AOX1: variants seen among roughly 807,000 people sequenced by gnomAD.
The protein encoded by AOX1 is aldehyde oxidase 1.
Under a neutral mutation model 169.5 loss-of-function variants are expected in AOX1, and 153 were observed. The ratio of observed to expected loss-of-function variants is 0.90; its 90% CI spans 0.79 to 1.03. The LOEUF is 1.03. Among genes scored for constraint, AOX1 ranks in the 50% least tolerant of loss-of-function variants. The probability of loss-of-function intolerance (pLI) is 0.00; values close to 1 mark genes in which losing one functional copy is unlikely to be tolerated. For synonymous variants in AOX1, 562 were observed against 581.9 expected, an observed-to-expected ratio of 0.97 and a Z score of 0.49; for missense variants, 1,656 against 1,663.9, an observed-to-expected ratio of 1.00 and a Z score of 0.08.
chr2:200,608,478 T>C (rs151107010), intron 10 of AOX1, among the ~76,000 whole-genome samples: 1 of 152,296 alleles, frequency 6.6e-6, no homozygotes, highest in African/African-American at 2.4e-5. Flanking sequence ...GCAATAGAAA[T>C]GTGGGTTTGC....
rs1427003492 is a variant in AOX1 at position 200,604,795 on chromosome 2, T to C, written c.769T>C (p.Phe257Leu). 4.3e-6 allele frequency: 7 copies of C among 1,614,070 alleles called. No individual in the cohort carries two copies. The highest frequency in any genetic ancestry group is 1.7e-6 in the Non-Finnish European group (2 of 1,179,986). Residue 257 changes from phenylalanine to leucine, a missense_variant, in exon 9 of 35, where the codon TTC becomes CTC. Coordinates refer to ENST00000374700, the MANE Select transcript of AOX1 (RefSeq NM_001159.4). ...CCTGAAGGAACTGCTGGAATTTAAA[T>C]TCAAGTATCCCCAGGCTCCTGTTAT... ...VTLKELLEFK[F>L]KYPQAPVIMG... is the part of the protein sequence containing the mutation.
chr2:200,609,625 T>C (rs1371065124), intron 12 of AOX1, among the ~76,000 whole-genome samples: 1 of 152,232 alleles, frequency 6.6e-6, no homozygotes, highest in Admixed American at 6.5e-5. Flanking sequence ...TTTGTTTGTT[T>C]GTTTTTCCTC....
chr2:200,674,437 G>A (rs962435407), downstream of AOX1, among the ~76,000 whole-genome samples: 22 of 151,896 alleles, frequency 1.4e-4, no homozygotes, highest in African/African-American at 5.3e-4. Context: ...GGGTGGGGGG[G>A]GTGATATTAC....
chr2:200,655,777 C>A (rs1410615093), intron 26 of AOX1, among the ~76,000 whole-genome samples: 1 of 152,118 alleles, frequency 6.6e-6, no homozygotes, highest in Non-Finnish European at 1.5e-5. Flanking sequence ...GTCCACGGTC[C>A]CCAGGCAGCT....
intron 27 of AOX1, among the ~76,000 whole-genome samples, chr2:200,658,460 T>A (rs988722644): frequency 6.6e-6 from 1 of 152,224 alleles, no homozygotes; most frequent in South Asian, 2.1e-4. Context: ...CCTATTGCAC[T>A]CTGTGTGGAT....
chr2:200,641,331 G>A, intron 24 of AOX1, 147 bp downstream of exon 24: 1 of 571,310 alleles, frequency 1.8e-6, no homozygotes, highest in Non-Finnish European at 3.1e-6. Context: ...TTACTTCCTG[G>A]TGCCCAAAGT....
chr2:200,613,659 G>T, intron 14 of AOX1, 145 bp from the exon 15 acceptor site: 1 of 707,562 alleles, frequency 1.4e-6, no homozygotes, highest in Non-Finnish European at 2.2e-6. Context: ...TGAGAATGGT[G>T]GGCCAATTTG....
At chr2:200,667,793 G>A (rs1485713242) in intron 32 of AOX1, among the ~76,000 whole-genome samples, 1 of 152,106 alleles carries the variant, frequency 6.6e-6, no homozygotes, top group African/African-American at 2.4e-5. Flanking sequence ...ACTTCACTTA[G>A]TGGGGATGGA....
At chr2:200,610,087 T>G (rs1376525350) in intron 12 of AOX1, among the ~76,000 whole-genome samples, 1 of 151,854 alleles carries the variant, frequency 6.6e-6, no homozygotes, top group East Asian at 1.9e-4. Context: ...TTTTTTTTTT[T>G]TTGAAATGGA....
At chr2:200,656,813 C>T (rs2035696038) in intron 26 of AOX1, 29 bp from the exon 27 acceptor site, 1 of 1,441,762 alleles carries the variant, frequency 6.9e-7, no homozygotes, top group Non-Finnish European at 9.3e-7. Flanking sequence ...AAAAAGATCA[C>T]AGAAACAGTT....
At chr2:200,596,345 T>A (rs568175118) in intron 3 of AOX1, among the ~76,000 whole-genome samples, 2 of 152,372 alleles carry the variant, frequency 1.3e-5, no homozygotes, top group East Asian at 3.9e-4. Flanking sequence ...CATGTTGCTC[T>A]GTCTTTAGCC....
intron 31 of AOX1, among the ~76,000 whole-genome samples, chr2:200,663,539 C>A (rs145839735): frequency 5.0e-5 from 7 of 140,552 alleles, no homozygotes; most frequent in African/African-American, 1.9e-4. Flanking sequence ...CACACACATA[C>A]ACACAAACAC....
intron 25 of AOX1, among the ~76,000 whole-genome samples, chr2:200,644,880 T>G (rs1394508507): frequency 6.6e-6 from 1 of 152,196 alleles, no homozygotes; most frequent in East Asian, 1.9e-4. Context: ...ACTACTGATT[T>G]GTGTACATTA....
In AOX1 at chr2:200,609,800, A is replaced by T. The variant is rs370466136; in HGVS notation, c.1153+386A>T. ...GGCACCCACATCGTGCTTTGAGCTC[A>T]CACTTAATTTATCATTGATGGAAAC... On this transcript the variant is annotated intron_variant, in intron 12 of 34. Transcript: ENST00000374700. Among the ~76,000 whole-genome samples the T allele has an allele frequency of 3.9e-5, 6 of 152,328 alleles. No individual in the cohort carries two copies. In the East Asian group the frequency reaches 9.6e-4, roughly 24 times the overall value.
Position 200,641,121 on chromosome 2 carries a change from A to C in AOX1, c.2592A>C (p.Arg864Ser), listed in dbSNP as rs983282157. The change falls in exon 24 of 35, where the codon AGA becomes AGC. Residue 864 changes from arginine (R) to serine (S), a missense_variant. Arg to Ser is a moderately radical substitution (Grantham distance 110). Coordinates refer to ENST00000374700, the MANE Select transcript of AOX1 (RefSeq NM_001159.4). ...KYKAGFMNDG[R>S]ILALDMEHYS... ...AGGCTGGATTCATGAACGATGGCAG[A>C]ATCTTGGCCCTGGACATGGAGCATT... 11 of 1,613,332 alleles carry C rather than the reference A, an allele frequency of 6.8e-6. No individual in the cohort carries two copies. Among genetic ancestry groups the C allele is most frequent in the Non-Finnish European group, 9.3e-6 (11 of 1,179,404 alleles).
intron 19 of AOX1, among the ~76,000 whole-genome samples, chr2:200,624,339 A>C (rs1379471506): frequency 6.6e-6 from 1 of 152,194 alleles, no homozygotes; most frequent in South Asian, 2.1e-4. Context: ...TCACATATCC[A>C]TCTCCAAATT....
chr2:200,658,123 C>A (rs533592076), intron 27 of AOX1, among the ~76,000 whole-genome samples: 1 of 152,164 alleles, frequency 6.6e-6, no homozygotes, highest in Non-Finnish European at 1.5e-5. Flanking sequence ...TTGATTGTTT[C>A]TTAAAATAGA....
Position 200,605,443 on chromosome 2 carries a change from A to G in AOX1, c.815-93A>G. The G allele has an allele frequency of 8.0e-6, 4 of 497,470 alleles. No homozygotes were observed. In the South Asian group the frequency reaches 2.2e-4, roughly 27 times the overall value. The allele number at this position is 497,470 out of a possible 1,614,324, so 30.8% of individuals were successfully genotyped here. A position where few individuals can be genotyped will look rare whatever the true frequency, so the allele number is the denominator to read the frequency against. On this transcript the variant is annotated intron_variant, in intron 9 of 34. Coordinates refer to ENST00000374700, the MANE Select transcript of AOX1 (RefSeq NM_001159.4). ...AAAGATACAATATTTTTAGATATTT[A>G]AAGATATTAGTTTAATAATAATTTC...
At chr2:200,662,023 C>T (rs2881811) in intron 30 of AOX1, among the ~76,000 whole-genome samples, 36,327 of 152,090 alleles carry the variant, frequency 0.24, 4,882 homozygotes, top group Non-Finnish European at 0.31. Context: ...TACCATTTTA[C>T]ACCTTCAGGA....
Sources: allele counts gnomAD v4.1 joint callset (sites outside exome capture counted in the v4.1 genomes callset), GRCh38; gene constraint gnomAD v4.1.1; transcripts MANE v1.5; gene names NCBI Gene and HGNC (gene_info 2026-07-23, HGNC 2026-07-21).